The following PLCG1 variants were observed in gnomAD, a reference collection of about 807,000 sequenced individuals.
The protein encoded by PLCG1 is 1-phosphatidylinositol 4,5-bisphosphate phosphodiesterase gamma-1.
In PLCG1, 71 loss-of-function variants were observed where a neutral mutation model predicts 177.8. That is an observed-to-expected ratio of 0.40 (90% CI 0.33 to 0.49). The LOEUF (loss-of-function observed/expected upper bound fraction) is 0.49, where lower values mean the gene tolerates loss of function less well. PLCG1 is among the 20% of genes least tolerant of loss of function. The pLI is 0.72. For missense variants in PLCG1, 1,281 were observed against 1,709.0 expected (o/e 0.75, Z 4.42); for synonymous variants, 658 against 647.9 (o/e 1.02, Z -0.24).
chr20:41,168,711 G>A lies in PLCG1; in HGVS notation c.2380-56G>A, dbSNP rs1000546601. On this transcript the variant is annotated intron_variant, in intron 20 of 31. Coordinates refer to ENST00000685551, the MANE Select transcript of PLCG1 (RefSeq NM_002660.3). ...TGTGTGTGTGCACATGAAGCCCCAG[G>A]TTGGCAGTGGCAGGGAGAGCCTTTC... 168 of 1,067,400 alleles carry A rather than the reference G, an allele frequency of 1.6e-4. No homozygotes were observed. The African/African-American group carries it at 1.7e-3, about 11-fold the overall frequency. The allele number at this position is 1,067,400 out of a possible 1,614,324, so 66.1% of individuals were successfully genotyped here.
At chr20:41,141,544 C>CA (rs1248106539) in intron 1 of PLCG1, among the ~76,000 whole-genome samples, 1 of 152,214 alleles carries the variant, frequency 6.6e-6, no homozygotes, top group Non-Finnish European at 1.5e-5. Flanking sequence ...CGGGAGAGGG[C>CA]AAGGCCCAGG....
In PLCG1 at chr20:41,175,384, C is replaced by G. The variant is rs936331760; in HGVS notation, c.*875C>G. On this transcript the variant is annotated 3_prime_UTR_variant, in exon 32 of 32. Transcript: ENST00000685551. ...TTTAAGTCAAAGAAGACTCAGTATG[C>G]TTTCCCTGAGGAATGAAAAAGGGAT... is the stretch of plus-strand genomic sequence containing the variant. 15 of 152,220 alleles carry G rather than the reference C, an allele frequency of 9.9e-5. No homozygotes were observed. The highest frequency in any genetic ancestry group is 3.6e-4 in the African/African-American group (15 of 41,532). The allele number at this position is 152,220 out of a possible 1,614,324, so 9.4% of individuals were successfully genotyped here. A position where few individuals can be genotyped will look rare whatever the true frequency, so the allele number is the denominator to read the frequency against.
At chr20:41,149,436 G>C (rs2035096683) in intron 1 of PLCG1, among the ~76,000 whole-genome samples, 1 of 152,210 alleles carries the variant, frequency 6.6e-6, no homozygotes, top group African/African-American at 2.4e-5. Flanking sequence ...TGGAGTTTGG[G>C]TACCTGTTTG....
intron 23 of PLCG1, among the ~76,000 whole-genome samples, chr20:41,169,841 G>T (rs2035835031): frequency 6.6e-6 from 1 of 152,224 alleles, no homozygotes; most frequent in African/African-American, 2.4e-5. Flanking sequence ...GAGGCTTGGA[G>T]ATGGGGTGGA....
intron 23 of PLCG1, 192 bp downstream of exon 23, chr20:41,169,718 A>T (rs943970736): frequency 6.7e-6 from 4 of 596,290 alleles, no homozygotes; most frequent in Non-Finnish European, 1.2e-5. Flanking sequence ...TGACCCCTGC[A>T]TGTTTACCTA....
In PLCG1 at chr20:41,163,758, C is replaced by T. The variant is rs747549422; in HGVS notation, c.935C>T (p.Ser312Leu). 53 of 1,613,364 alleles carry T rather than the reference C, an allele frequency of 3.3e-5. No individual in the cohort carries two copies. The highest frequency in any genetic ancestry group is 1.6e-4 in the Middle Eastern group (1 of 6,084). Residue 312 changes from serine (S) to leucine (L), a missense_variant, in exon 10 of 32, where the codon TCG becomes TTG. Coordinates refer to ENST00000685551, the MANE Select transcript of PLCG1 (RefSeq NM_002660.3). The surrounding 1 kb of genome is among the most constrained non-coding windows in gnomAD (Gnocchi z 5.2). ...LFSKENSVWN[S>L]QLDAVCPDTM... ...TCCAAAGAGAACAGTGTGTGGAACTCGCAGCTGGATGCAGTATGCCCGGAC... is the reference window on the plus strand; with the variant it reads ...TCCAAAGAGAACAGTGTGTGGAACTTGCAGCTGGATGCAGTATGCCCGGAC...
intron 4 of PLCG1, among the ~76,000 whole-genome samples, chr20:41,161,269 T>A (rs1292729891): frequency 6.6e-6 from 1 of 152,048 alleles, no homozygotes; most frequent in African/African-American, 2.4e-5. Flanking sequence ...CCGTTGACCC[T>A]TGGATTTAAC....
rs1481334304 is a variant in PLCG1, at chr20:41,159,697, G to A, written c.309G>A (p.Gln103=). The A allele has an allele frequency of 1.9e-6, 3 of 1,614,238 alleles. No individual in the cohort carries two copies. The highest frequency in any genetic ancestry group is 2.5e-6 in the Non-Finnish European group (3 of 1,180,060). The stretch of plus-strand genomic sequence containing the variant: ...AGGACCCAGCTTTCCGGCCGGACCA[G>A]TCACATTGCTTTGTCATTCTCTATG... ...YQEDPAFRPD[Q]SHCFVILYGM... is the part of the protein sequence containing the mutation. The change falls in exon 2 of 32, where the codon CAG becomes CAA. Residue 103 remains glutamine, a synonymous_variant. Transcript: ENST00000685551. The surrounding 1 kb of genome is among the most constrained non-coding windows in gnomAD (Gnocchi z 6.0).
intron 1 of PLCG1, among the ~76,000 whole-genome samples, chr20:41,154,526 C>T (rs1412736884): frequency 6.6e-6 from 1 of 152,170 alleles, no homozygotes; most frequent in Non-Finnish European, 1.5e-5. Context: ...CCCTTATGCA[C>T]ATCCTCGTGG....
In PLCG1 at chr20:41,144,469, C is replaced by T. The variant is rs1412775684; in HGVS notation, c.217+6611C>T. Among the ~76,000 whole-genome samples the T allele has an allele frequency of 3.9e-5, 6 of 152,180 alleles. No individual in the cohort carries two copies. Among genetic ancestry groups the T allele is most frequent in the African/African-American group, 7.2e-5 (3 of 41,450 alleles). ...CCTGCACTCATCCTTGCCACAACAC[C>T]GGTGTCGAGATGCTTGGCCCACCCA... On this transcript the variant is annotated intron_variant, in intron 1 of 31. Transcript: ENST00000685551. The surrounding 1 kb of genome is among the most constrained non-coding windows in gnomAD (Gnocchi z 4.1).
Position 41,166,826 on chromosome 20 carries a change from C to A in PLCG1, c.2268C>A (p.Ile756=). The change falls in exon 19 of 32, where the codon ATC becomes ATA. Residue 756 remains isoleucine, a synonymous_variant. Coordinates refer to ENST00000685551, the MANE Select transcript of PLCG1 (RefSeq NM_002660.3). The surrounding 1 kb of genome is among the most constrained non-coding windows in gnomAD (Gnocchi z 8.6). ...LYRKMKLRYP[I]NEEALEKIGT... is the part of the protein sequence containing the mutation. ...GCAAGATGAAGCTGCGCTATCCCAT[C>A]AACGAGGAGGCACTGGAGAAGATTG... 2 of 1,614,142 alleles carry A rather than the reference C, an allele frequency of 1.2e-6. No individual in the cohort carries two copies. The highest frequency in any genetic ancestry group is 2.2e-5 in the South Asian group (2 of 91,086).
At chr20:41,139,477 G>A (rs1032199853) in intron 1 of PLCG1, among the ~76,000 whole-genome samples, 11 of 152,182 alleles carry the variant, frequency 7.2e-5, no homozygotes, top group Non-Finnish European at 1.3e-4. Context: ...GGCAATAAAT[G>A]TAGCACAGTG....
chr20:41,147,864 A>C lies in PLCG1; in HGVS notation c.217+10006A>C, dbSNP rs1367479222. 6.6e-6 allele frequency among the ~76,000 whole-genome samples: 1 copy of C among 151,946 alleles called. No individual in the cohort carries two copies. Among genetic ancestry groups the C allele is most frequent in the Non-Finnish European group, 1.5e-5 (1 of 67,998 alleles). ...CTCTGTCTCTTTAAAAAAAAAAAAAAATTTAAGCTGGGCTTTCTGGGCAGG... is the reference window on the plus strand; with the variant it reads ...CTCTGTCTCTTTAAAAAAAAAAAAACATTTAAGCTGGGCTTTCTGGGCAGG... On this transcript the variant is annotated intron_variant, in intron 1 of 31. Transcript: ENST00000685551. This position sits in a 1 kb window ranked among gnomAD's most constrained non-coding sequence, Gnocchi z 4.0.
At chr20:41,161,157 A>C (rs1301281182) in intron 4 of PLCG1, among the ~76,000 whole-genome samples, 2 of 152,082 alleles carry the variant, frequency 1.3e-5, no homozygotes, top group African/African-American at 4.8e-5. Context: ...CCACCCCCAT[A>C]TTAGAGATTG....
intron 1 of PLCG1, among the ~76,000 whole-genome samples, chr20:41,140,305 C>T (rs1012408199): frequency 2.0e-5 from 3 of 152,314 alleles, no homozygotes; most frequent in Middle Eastern, 3.4e-3. Context: ...CCACTGAAGC[C>T]GTGCCCTGCT....
chr20:41,169,359 G>A (rs978566123), intron 22 of PLCG1, 98 bp from the exon 23 acceptor site: 2 of 1,059,878 alleles, frequency 1.9e-6, no homozygotes, highest in Admixed American at 1.7e-5. Flanking sequence ...GCAGTCACAG[G>A]TACACCCACA....
In PLCG1 at chr20:41,172,458, A is replaced by T. The variant is rs1399742891; in HGVS notation, c.2943A>T (p.Ser981=). The T allele has an allele frequency of 6.2e-7, 1 of 1,614,186 alleles. No individual in the cohort carries two copies. The highest frequency in any genetic ancestry group is 8.5e-7 in the Non-Finnish European group (1 of 1,180,036). ...GTERACYRDM[S]SFPETKAEKY... ...AACGTGCTTGCTACCGGGACATGTC[A>T]TCCTTCCCGGAAACCAAGGCTGAGA... is the stretch of plus-strand genomic sequence containing the variant. The change falls in exon 26 of 32, where the codon TCA becomes TCT. Residue 981 remains serine (S), a synonymous_variant. Transcript: ENST00000685551. The surrounding 1 kb of genome is among the most constrained non-coding windows in gnomAD (Gnocchi z 7.0).
In PLCG1 at chr20:41,157,114, G is replaced by A. The variant is rs562107644; in HGVS notation, c.218-2492G>A. 3.9e-5 allele frequency among the ~76,000 whole-genome samples: 6 copies of A among 152,244 alleles called. No homozygotes were observed. The highest frequency in any genetic ancestry group is 7.2e-5 in the African/African-American group (3 of 41,512). On this transcript the variant is annotated intron_variant, in intron 1 of 31. Coordinates refer to ENST00000685551, the MANE Select transcript of PLCG1 (RefSeq NM_002660.3). The surrounding 1 kb of genome is among the most constrained non-coding windows in gnomAD (Gnocchi z 5.4). ...CATTGGATGCCTGGCGTGGAGCTGC[G>A]CTATGCTTACCTGGTTCCTATCTCA...
At position 41,138,027 on chromosome 20, in the gene PLCG1, CG is replaced by C. The variant is rs1293835242; in HGVS notation, c.217+175del. 3.1e-5 allele frequency: 13 copies of C among 414,708 alleles called. No individual in the cohort carries two copies. In the South Asian group the frequency reaches 1.6e-3, roughly 51 times the overall value. 25.7% of individuals were successfully genotyped at this position (414,708 alleles called of 1,614,324 possible). ...CTTCGTCTCGGGTGGTCACTGGGGG[CG>C]GGGGGCATCCGGGTCCTCGGTCACC... is the stretch of plus-strand genomic sequence containing the variant. On this transcript the variant is annotated intron_variant, in intron 1 of 31. Transcript: ENST00000685551.
Sources: allele counts gnomAD v4.1 joint callset (sites outside exome capture counted in the v4.1 genomes callset), GRCh38; gene constraint gnomAD v4.1.1; non-coding constraint Gnocchi (gnomAD v3.1); transcripts MANE v1.5; gene names NCBI Gene and HGNC (gene_info 2026-07-23, HGNC 2026-07-21).